DOCK2: variants seen among roughly 807,000 people sequenced by gnomAD.
DOCK2 encodes the protein dedicator of cytokinesis protein 2.
Under a neutral mutation model 248.9 loss-of-function variants are expected in DOCK2, and 87 were observed. The ratio of observed to expected loss-of-function variants is 0.35; its 90% CI spans 0.29 to 0.42. The LOEUF (loss-of-function observed/expected upper bound fraction) is 0.42, where lower values mean the gene tolerates loss of function less well. Among genes scored for constraint, DOCK2 ranks in the 10% least tolerant of loss-of-function variants. The pLI, the probability that DOCK2 is intolerant of heterozygous loss-of-function variation, is 1.00. For synonymous variants in DOCK2, 805 were observed against 821.6 expected (o/e 0.98, Z 0.35); for missense variants, 1,747 against 2,300.2 (o/e 0.76, Z 4.92).
intron 27 of DOCK2, among the ~76,000 whole-genome samples, chr5:169,882,010 T>C (rs147956751): frequency 6.6e-6 from 1 of 152,178 alleles, no homozygotes; most frequent in Non-Finnish European, 1.5e-5. Flanking sequence ...TTGCCGAAAA[T>C]GAATTGTGCA....
At chr5:169,798,225 T>C (rs575267472) in intron 25 of DOCK2, among the ~76,000 whole-genome samples, 1 of 152,336 alleles carries the variant, frequency 6.6e-6, no homozygotes, top group African/African-American at 2.4e-5. Flanking sequence ...CCTCGGAACC[T>C]ATGTTTTGTA....
intron 22 of DOCK2, among the ~76,000 whole-genome samples, chr5:169,728,200 G>A (rs1272682327): frequency 6.6e-6 from 1 of 152,250 alleles, no homozygotes; most frequent in Middle Eastern, 3.4e-3. Context: ...GGGAGTAGTG[G>A]GTTTTTATAG....
At chr5:169,702,852 A>C (rs1173239572) in intron 14 of DOCK2, among the ~76,000 whole-genome samples, 1 of 152,094 alleles carries the variant, frequency 6.6e-6, no homozygotes, top group Admixed American at 6.5e-5. Flanking sequence ...GTGGAGGCTC[A>C]GGATGTGCTT....
chr5:169,980,374 A>T (rs1372470589), intron 27 of DOCK2: 2 of 152,232 alleles, frequency 1.3e-5, no homozygotes, highest in African/African-American at 4.8e-5. Context: ...AGAAGGAATA[A>T]TAAGTCCTTC....
intron 22 of DOCK2, among the ~76,000 whole-genome samples, chr5:169,730,537 G>A (rs1332350992): frequency 6.6e-6 from 1 of 152,182 alleles, no homozygotes; most frequent in Admixed American, 6.5e-5. Flanking sequence ...ATGGCAGGTA[G>A]CACGTATAAT....
intron 30 of DOCK2, among the ~76,000 whole-genome samples, chr5:169,997,072 G>C (rs1020007560): frequency 3.3e-5 from 5 of 151,794 alleles, no homozygotes; most frequent in African/African-American, 1.2e-4. Context: ...GGTGTTTCTC[G>C]AAGAGGGGGA....
At chr5:169,885,737 A>G (rs1772933700) in intron 27 of DOCK2, among the ~76,000 whole-genome samples, 1 of 152,254 alleles carries the variant, frequency 6.6e-6, no homozygotes, top group Admixed American at 6.5e-5. Context: ...TTCATTAATC[A>G]CAAACTACTC....
intron 27 of DOCK2, among the ~76,000 whole-genome samples, chr5:169,910,613 A>G (rs113641279): frequency 0.045 from 6,821 of 152,206 alleles, 235 homozygotes; most frequent in South Asian, 0.12. Flanking sequence ...AGTGAAAACG[A>G]TATGTCATGT....
intron 2 of DOCK2, among the ~76,000 whole-genome samples, chr5:169,661,734 A>G (rs746013653): frequency 2.0e-5 from 3 of 152,104 alleles, no homozygotes; most frequent in South Asian, 2.1e-4. Context: ...TGTCTGTCAT[A>G]TTTCACTTAG....
chr5:169,771,288 T>C (rs1365737981), intron 25 of DOCK2, among the ~76,000 whole-genome samples: 1 of 152,222 alleles, frequency 6.6e-6, no homozygotes, highest in Non-Finnish European at 1.5e-5. Context: ...CTGTTTTTCT[T>C]TTTTCTTTTT....
rs375926260 is a variant in DOCK2 at position 170,067,455 on chromosome 5, T to C, written c.4468-55T>C. The C allele has an allele frequency of 9.3e-5, 145 of 1,561,612 alleles. 1 individual carries two copies. The South Asian group carries it at 1.5e-3, about 17-fold the overall frequency. Reference sequence around the variant, plus strand: ...GTGAAATCAATACCAATAATATCTGTTTTTAAAGTGACTTAACTAAGGCCC... The same window carrying C: ...GTGAAATCAATACCAATAATATCTGCTTTTAAAGTGACTTAACTAAGGCCC... On this transcript the variant is annotated intron_variant, in intron 44 of 51. Coordinates refer to ENST00000520908, the MANE Select transcript of DOCK2 (RefSeq NM_004946.3).
chr5:170,052,206 C>T (rs1756942092), intron 41 of DOCK2, among the ~76,000 whole-genome samples: 4 of 152,150 alleles, frequency 2.6e-5, no homozygotes, highest in Admixed American at 2.6e-4. Context: ...TCATCTGTAA[C>T]CTTTTCATTA....
At chr5:169,983,201 T>C in intron 28 of DOCK2, 35 bp downstream of exon 28, 3 of 1,603,650 alleles carry the variant, frequency 1.9e-6, no homozygotes, top group Non-Finnish European at 2.6e-6. Context: ...GAGGAAGAAC[T>C]CTTCCATCTC....
intron 44 of DOCK2, among the ~76,000 whole-genome samples, chr5:170,065,713 G>A: frequency 6.6e-6 from 1 of 152,142 alleles, no homozygotes; most frequent in Non-Finnish European, 1.5e-5. Flanking sequence ...GATCTTGTGA[G>A]ACCCATTCAC....
chr5:169,855,845 T>G (rs1188800445), intron 27 of DOCK2, among the ~76,000 whole-genome samples: 1 of 152,220 alleles, frequency 6.6e-6, no homozygotes, highest in Non-Finnish European at 1.5e-5. Flanking sequence ...GTTTTAACAC[T>G]GTGATAAAGA....
intron 27 of DOCK2, chr5:169,883,158 C>T (rs1354696107): frequency 1.9e-6 from 3 of 1,551,548 alleles, no homozygotes; most frequent in Non-Finnish European, 2.6e-6. Context: ...CTAGTGGAGT[C>T]ACCCTTCTCC....
intron 27 of DOCK2, among the ~76,000 whole-genome samples, chr5:169,904,517 A>C (rs1158213346): frequency 6.6e-6 from 1 of 151,666 alleles, no homozygotes; most frequent in Non-Finnish European, 1.5e-5. Flanking sequence ...GGCCTGAGGG[A>C]GTGAGGTGGG....
chr5:169,645,007 G>T lies in DOCK2; in HGVS notation c.43+7638G>T, dbSNP rs189870888. On this transcript the variant is annotated intron_variant, in intron 1 of 51. Coordinates refer to ENST00000520908, the MANE Select transcript of DOCK2 (RefSeq NM_004946.3). ...TTTTATGGCTGCATAGTATTCCATG[G>T]TATATATGTTGACATTTTCTTTATC... is the stretch of plus-strand genomic sequence containing the variant. 2.9e-3 allele frequency among the ~76,000 whole-genome samples: 435 copies of T among 152,268 alleles called. 1 individual carries two copies. The highest frequency in any genetic ancestry group is 9.3e-3 in the African/African-American group (388 of 41,538).
chr5:169,656,813 C>G (rs1758147593), intron 2 of DOCK2, among the ~76,000 whole-genome samples: 1 of 152,204 alleles, frequency 6.6e-6, no homozygotes, highest in African/African-American at 2.4e-5. Context: ...ATAGTCAGAG[C>G]CTTGCCAGTA....
Sources: allele counts gnomAD v4.1 joint callset (sites outside exome capture counted in the v4.1 genomes callset), GRCh38; gene constraint gnomAD v4.1.1; transcripts MANE v1.5; gene names NCBI Gene and HGNC (gene_info 2026-07-23, HGNC 2026-07-21).